The following WAS variants were observed in gnomAD, a reference collection of about 807,000 sequenced individuals.
WAS encodes actin nucleation-promoting factor WAS.
In WAS, 1 loss-of-function variant was observed where a neutral mutation model predicts 38.9. That is an observed-to-expected ratio of 0.03 (90% CI 0.01 to 0.12). WAS has a LOEUF of 0.12. WAS is among the 10% of genes least tolerant of loss of function. The probability of loss-of-function intolerance (pLI) is 1.00; values close to 1 mark genes in which losing one functional copy is unlikely to be tolerated. For missense variants in WAS, 311 were observed against 431.2 expected (o/e 0.72, Z 2.47); for synonymous variants, 182 against 173.6 (o/e 1.05, Z -0.38).
Position 48,688,964 on chromosome X carries a change from T to C in WAS, c.1236T>C (p.Pro412=). The change falls in exon 10 of 12, where the codon CCT becomes CCC. Residue 412 remains proline (P), a synonymous_variant. Coordinates refer to ENST00000376701, the MANE Select transcript of WAS (RefSeq NM_000377.3). ...PPPSSGNGPA[P]PPLPPALVPA... is the part of the protein sequence containing the mutation. Reference sequence around the variant, plus strand: ...CCAGCTCCGGGAATGGACCAGCCCCTCCCCCACTCCCTCCTGCTCTGGTGC... The same window carrying C: ...CCAGCTCCGGGAATGGACCAGCCCCCCCCCCACTCCCTCCTGCTCTGGTGC... 1 of 1,167,948 alleles carries C rather than the reference T, an allele frequency of 8.6e-7. No individual in the cohort carries two copies. Among genetic ancestry groups the C allele is most frequent in the Non-Finnish European group, 1.1e-6 (1 of 873,360 alleles).
chrX:48,688,459 A>C lies in WAS; in HGVS notation c.931+6A>C. ...GCAGGAGATGAGGCGCCAGGGTGAG[A>C]CCCTGCTTCCATACGCTCCCTTCTC... is the stretch of plus-strand genomic sequence containing the variant. On this transcript the variant is annotated splice_donor_region_variant and intron_variant, in intron 9 of 11. Transcript: ENST00000376701. 1 of 1,210,498 alleles carries C rather than the reference A, an allele frequency of 8.3e-7. No homozygotes were observed. The highest frequency in any genetic ancestry group is 1.1e-6 in the Non-Finnish European group (1 of 895,028).
At chrX:48,678,880 C>T (rs1334465596), upstream of WAS, among the ~76,000 whole-genome samples, 1 of 110,735 alleles carries the variant, frequency 9.0e-6, no homozygotes, top group Admixed American at 9.6e-5. Context: ...AATAAACCAG[C>T]TCCAAATTAT....
upstream of WAS, among the ~76,000 whole-genome samples, chrX:48,679,156 G>A (rs187966375): frequency 1.8e-4 from 20 of 108,932 alleles, no homozygotes; most frequent in East Asian, 4.4e-3. Context: ...CAGCCTCCCC[G>A]ACTACAGGCA....
At chrX:48,680,795 G>A (rs2062399121), upstream of WAS, among the ~76,000 whole-genome samples, 2 of 111,895 alleles carry the variant, frequency 1.8e-5, no homozygotes, top group African/African-American at 6.5e-5. Context: ...TAGTCCAGCA[G>A]CCCAAGCTGC....
chrX:48,677,338 C>T (rs1412498713), intron 1 of WAS, among the ~76,000 whole-genome samples: 4 of 110,619 alleles, frequency 3.6e-5, no homozygotes, highest in Non-Finnish European at 7.6e-5. Flanking sequence ...GGTGAGGAGG[C>T]GCTTGAGGGA....
In WAS at chrX:48,684,334, G is replaced by C. The variant is rs141605347; in HGVS notation, c.184G>C (p.Glu62Gln). 1.7e-5 allele frequency: 21 copies of C among 1,209,952 alleles called. No homozygotes were observed. The highest frequency in any genetic ancestry group is 2.3e-5 in the Non-Finnish European group (21 of 895,244). Residue 62 changes from glutamate (E) to glutamine (Q), a missense_variant, in exon 2 of 12, where the codon GAG (glutamate) becomes CAG (glutamine). By Grantham distance (29) the Glu-to-Gln change is conservative (BLOSUM62 2). Coordinates refer to ENST00000376701, the MANE Select transcript of WAS (RefSeq NM_000377.3). ...GTACCTGGCGCTGCCCCCTGGAGCT[G>C]AGCACTGGACCAAGGAGCATTGTGG... ...QLYLALPPGAEHWTKEHCGAV... is the reference protein window; with the variant it reads ...QLYLALPPGAQHWTKEHCGAV...
At chrX:48,689,672 A>G (rs2062433547) in intron 11 of WAS, 4 of 405,766 alleles carry the variant, frequency 9.9e-6, no homozygotes, top group Non-Finnish European at 1.3e-5. Context: ...TGTCCACAAT[A>G]TTAATGTCAT....
intron 1 of WAS, among the ~76,000 whole-genome samples, chrX:48,676,907 T>G (rs1266814461): frequency 8.9e-6 from 1 of 112,550 alleles, no homozygotes; most frequent in East Asian, 2.8e-4. Flanking sequence ...TAGACACCCC[T>G]AGGGTCACAC....
chrX:48,687,425 A>G (rs2062423651), intron 7 of WAS, among the ~76,000 whole-genome samples: 1 of 110,583 alleles, frequency 9.0e-6, no homozygotes, highest in Non-Finnish European at 1.9e-5. Context: ...GAATGAATGG[A>G]TAAGTGGTTG....
At chrX:48,687,476 G>A (rs1296804638) in intron 7 of WAS, among the ~76,000 whole-genome samples, 2 of 110,859 alleles carry the variant, frequency 1.8e-5, no homozygotes, top group African/African-American at 3.3e-5. Flanking sequence ...TGGGAGGTGC[G>A]TGGATAGATA....
chrX:48,684,476 C>T lies in WAS; in HGVS notation c.273+53C>T. ...GCAAGCCAGTTCTCAACCCGCAAAC[C>T]CAGATCTGTGTCCATATGTGTCCAT... is the stretch of plus-strand genomic sequence containing the variant. On this transcript the variant is annotated intron_variant, in intron 2 of 11. Transcript: ENST00000376701. 5.1e-6 allele frequency: 6 copies of T among 1,178,003 alleles called. No individual in the cohort carries two copies. The Admixed American group carries it at 1.4e-4, about 28-fold the overall frequency.
rs1281321270 is a variant in WAS, at chrX:48,686,195, G to A, written c.559+61G>A. ...TGGGTAAGAGTGGATGGAGGAATGA[G>A]GAGTTGGATGGGTGCGTAAGTGGGT... On this transcript the variant is annotated intron_variant, in intron 6 of 11. Transcript: ENST00000376701. 27 of 1,157,607 alleles carry A rather than the reference G, an allele frequency of 2.3e-5. No individual in the cohort carries two copies. The Admixed American group carries it at 3.5e-4, about 15-fold the overall frequency.
At position 48,685,653 on chromosome X, in the gene WAS, T is replaced by C; in HGVS notation, c.360+20T>C. On this transcript the variant is annotated intron_variant, in intron 3 of 11. Transcript: ENST00000376701. ...GGAGATGTAAGTGATCAACCAGCCC[T>C]CGGGCCTCACTTGGGGTGTGGAGAG... 5 of 1,182,774 alleles carry C rather than the reference T, an allele frequency of 4.2e-6. No homozygotes were observed. Among genetic ancestry groups the C allele is most frequent in the Non-Finnish European group, 4.5e-6 (4 of 879,843 alleles).
chrX:48,677,132 C>T (rs1331987613), intron 1 of WAS, among the ~76,000 whole-genome samples: 3 of 110,819 alleles, frequency 2.7e-5, no homozygotes, highest in African/African-American at 9.9e-5. Flanking sequence ...TGTGCAGGTG[C>T]GGGGAGTAGG....
Position 48,689,699 on chromosome X carries a change from C to T in WAS, c.1453+265C>T, listed in dbSNP as rs1235951606. 1.9e-5 allele frequency: 6 copies of T among 309,290 alleles called. No individual in the cohort carries two copies. The Admixed American group carries it at 2.7e-4, about 14-fold the overall frequency. The allele number at this position is 309,290 out of a possible 1,213,427, so 25.5% of individuals were successfully genotyped here. ...TAATGTCATTCCCACATGTTCAGTA[C>T]TATTAACATCAGCTGGCCGGCGCGG... On this transcript the variant is annotated intron_variant, in intron 11 of 11. Transcript: ENST00000376701.
intron 7 of WAS, among the ~76,000 whole-genome samples, chrX:48,687,382 T>C (rs1569493911): frequency 9.2e-6 from 1 of 108,958 alleles, no homozygotes; most frequent in Non-Finnish European, 1.9e-5. Flanking sequence ...GGTGGATGGA[T>C]GGATAAATGA....
chrX:48,690,722 G>A (rs189579998), intron 11 of WAS, among the ~76,000 whole-genome samples: 73 of 110,470 alleles, frequency 6.6e-4, no homozygotes, highest in African/African-American at 2.2e-3. Flanking sequence ...CTACAGGCAC[G>A]CCACTACGCC....
chrX:48,681,169 G>T (rs1234590979), upstream of WAS, among the ~76,000 whole-genome samples: 1 of 110,969 alleles, frequency 9.0e-6, no homozygotes, highest in African/African-American at 3.3e-5. Context: ...TAGTGCTTAC[G>T]TTTTTTGTGT....
upstream of WAS, among the ~76,000 whole-genome samples, chrX:48,679,771 G>C (rs1240057410): frequency 8.9e-6 from 1 of 112,573 alleles, no homozygotes; most frequent in East Asian, 2.8e-4. Flanking sequence ...GCAGCAGAGT[G>C]AGACTTTGTC....
Sources: allele counts gnomAD v4.1 joint callset (sites outside exome capture counted in the v4.1 genomes callset), GRCh38; gene constraint gnomAD v4.1.1; transcripts MANE v1.5; gene names NCBI Gene and HGNC (gene_info 2026-07-23, HGNC 2026-07-21).